Variants in RASA2 observed in about 807,000 individuals in gnomAD.
RASA2 encodes RAS p21 protein activator 2.
RASA2 carries 155 observed loss-of-function variants against 118.2 expected under a neutral mutation model. The observed-to-expected ratio is 1.31, with a 90% CI of 1.15 to 1.50. The LOEUF (loss-of-function observed/expected upper bound fraction) is 1.50. Among genes scored for constraint, RASA2 ranks in the 40% most tolerant of loss-of-function variants. RASA2 has a pLI of 0.00. For missense variants in RASA2, 1,016 were observed against 1,009.6 expected (o/e 1.01, Z -0.09); for synonymous variants, 353 against 349.1 (o/e 1.01, Z -0.12).
At chr3:141,543,876 CTTTT>C (rs529631210) in intron 5 of RASA2, among the ~76,000 whole-genome samples, 1 of 117,314 alleles carries the variant, frequency 8.5e-6, no homozygotes, top group African/African-American at 3.3e-5. Flanking sequence ...TTTCTTTTTT[CTTTT>C]TTTTTTTTTT....
chr3:141,584,924 A>G lies in RASA2; in HGVS notation c.1753-1101A>G, dbSNP rs551429845. Among the ~76,000 whole-genome samples, 5 of 152,260 alleles carry G rather than the reference A, an allele frequency of 3.3e-5. No individual in the cohort carries two copies. In the South Asian group the frequency reaches 1.0e-3, roughly 32 times the overall value. ...AACTGATTGAGCATCCCTAATCTGA[A>G]AATCCAAAATTCAAAATCCAGAATG... On this transcript the variant is annotated intron_variant, in intron 17 of 23. Transcript: ENST00000286364.
chr3:141,501,455 G>A (rs1463033037), intron 1 of RASA2, among the ~76,000 whole-genome samples: 3 of 152,194 alleles, frequency 2.0e-5, no homozygotes, highest in Non-Finnish European at 4.4e-5. Context: ...CTTAGGCATT[G>A]TGCCAAGCGC....
chr3:141,614,998 G>A lies in RASA2; in HGVS notation c.*2685G>A, dbSNP rs1222792128. 6.6e-6 allele frequency: 1 copy of A among 152,016 alleles called. No individual in the cohort carries two copies. Among genetic ancestry groups the A allele is most frequent in the Non-Finnish European group, 1.5e-5 (1 of 67,998 alleles). The allele number at this position is 152,016 out of a possible 1,614,324, so 9.4% of individuals were successfully genotyped here. A position where few individuals can be genotyped will look rare whatever the true frequency, so the allele number is the denominator to read the frequency against. The stretch of plus-strand genomic sequence containing the variant: ...GAAAGCACCTTTAATTTGCTCTAAC[G>A]GTACATCCTGTAAAGACAGAATTCT... On this transcript the variant is annotated 3_prime_UTR_variant, in exon 24 of 24. Transcript: ENST00000286364.
At chr3:141,515,016 A>G (rs1428543984) in intron 2 of RASA2, among the ~76,000 whole-genome samples, 2 of 152,172 alleles carry the variant, frequency 1.3e-5, no homozygotes, top group Non-Finnish European at 2.9e-5. Flanking sequence ...AAGGAGAGGC[A>G]TAAGAGAACT....
At chr3:141,507,713 A>G (rs1225489012) in intron 1 of RASA2, among the ~76,000 whole-genome samples, 16 of 152,226 alleles carry the variant, frequency 1.1e-4, no homozygotes, top group Non-Finnish European at 1.5e-5. Context: ...ACTGAATACT[A>G]GGACTTCAAC....
At chr3:141,514,454 G>C (rs897118972) in intron 2 of RASA2, among the ~76,000 whole-genome samples, 1 of 152,144 alleles carries the variant, frequency 6.6e-6, no homozygotes, top group Admixed American at 6.5e-5. Flanking sequence ...TTTCTGGGGA[G>C]ATAAAAATGT....
At chr3:141,580,069 GAAA>G (rs1165547118) in intron 15 of RASA2, among the ~76,000 whole-genome samples, 133 of 67,864 alleles carry the variant, frequency 2.0e-3, no homozygotes, top group East Asian at 4.0e-3. Flanking sequence ...AAAAAAAAAA[GAAA>G]AAAAAAAAAA....
At chr3:141,581,224 A>G in intron 17 of RASA2, 47 bp downstream of exon 17, 3 of 1,223,574 alleles carry the variant, frequency 2.5e-6, no homozygotes, top group Non-Finnish European at 3.2e-6. Context: ...TTCATATAAC[A>G]TGGGGAAATA....
intron 1 of RASA2, among the ~76,000 whole-genome samples, chr3:141,498,593 C>T (rs1019714799): frequency 6.6e-6 from 1 of 152,148 alleles, no homozygotes; most frequent in South Asian, 2.1e-4. Flanking sequence ...CAGATATACA[C>T]ATACACACCT....
intron 13 of RASA2, 26 bp downstream of exon 13, chr3:141,573,247 A>T (rs1345690464): frequency 6.5e-7 from 1 of 1,527,900 alleles, no homozygotes; most frequent in African/African-American, 1.4e-5. Context: ...ATTATTTATA[A>T]TTGCATTAAA....
At chr3:141,592,184 C>T (rs2083294350) in intron 19 of RASA2, among the ~76,000 whole-genome samples, 4 of 152,040 alleles carry the variant, frequency 2.6e-5, no homozygotes, top group Admixed American at 2.6e-4. Flanking sequence ...ATTAAAAGGT[C>T]TAACCAGGGA....
intron 2 of RASA2, among the ~76,000 whole-genome samples, chr3:141,515,679 A>G (rs2082012035): frequency 6.6e-6 from 1 of 151,978 alleles, no homozygotes; most frequent in Non-Finnish European, 1.5e-5. Context: ...AGGCGGGTGG[A>G]TTGCAAGGTC....
At chr3:141,499,158 T>C (rs1179737426) in intron 1 of RASA2, among the ~76,000 whole-genome samples, 1 of 152,086 alleles carries the variant, frequency 6.6e-6, no homozygotes, top group African/African-American at 2.4e-5. Context: ...TGTAGATAAC[T>C]GTATGATAGT....
At chr3:141,507,542 A>G (rs1269217351) in intron 1 of RASA2, among the ~76,000 whole-genome samples, 5 of 152,280 alleles carry the variant, frequency 3.3e-5, no homozygotes, top group South Asian at 2.1e-4. Flanking sequence ...CACCTCTGCC[A>G]TGATCAGGAG....
chr3:141,519,239 A>G (rs1160760490), intron 3 of RASA2, among the ~76,000 whole-genome samples: 9 of 152,214 alleles, frequency 5.9e-5, no homozygotes, highest in Non-Finnish European at 1.3e-4. Flanking sequence ...TGTCATGGGC[A>G]TAACCATTTT....
chr3:141,567,462 A>G (rs2082840187), intron 9 of RASA2, among the ~76,000 whole-genome samples: 1 of 152,174 alleles, frequency 6.6e-6, no homozygotes, highest in Admixed American at 6.5e-5. Flanking sequence ...TTCTTAGATA[A>G]AATATGTAAT....
intron 4 of RASA2, among the ~76,000 whole-genome samples, chr3:141,531,553 A>G (rs1171597252): frequency 6.6e-6 from 1 of 151,890 alleles, no homozygotes; most frequent in Non-Finnish European, 1.5e-5. Context: ...ATATGCATAT[A>G]TGCATGTATA....
rs563239368 is a variant in RASA2 at position 141,599,244 on chromosome 3, T to A, written c.1934-8434T>A. On this transcript the variant is annotated intron_variant, in intron 19 of 23. Coordinates refer to ENST00000286364, the MANE Select transcript of RASA2 (RefSeq NM_006506.5). ...ATTGAGTTTCTTTGTTTTTTGGGTT[T>A]TTTTTTTTTTTTTTTGGTTTATAAA... 7.2e-3 allele frequency among the ~76,000 whole-genome samples: 1,072 copies of A among 149,104 alleles called. 12 individuals are homozygous for A. Among genetic ancestry groups the A allele is most frequent in the African/African-American group, 0.024 (992 of 40,804 alleles).
intron 4 of RASA2, among the ~76,000 whole-genome samples, chr3:141,532,625 G>T (rs1005594297): frequency 1.3e-5 from 2 of 152,254 alleles, no homozygotes; most frequent in South Asian, 4.1e-4. Flanking sequence ...AATTATTTTT[G>T]AAAAGAGTTT....
Sources: gnomAD v4.1 joint callset for allele counts (sites outside exome capture counted in the v4.1 genomes callset) on GRCh38, gnomAD v4.1.1 for gene constraint, MANE v1.5 for transcripts, NCBI Gene and HGNC (gene_info 2026-07-23, HGNC 2026-07-21) for gene names.